NECTIN2: variants seen among roughly 807,000 people sequenced by gnomAD.
The protein encoded by NECTIN2 is nectin cell adhesion molecule 2, also known as nectin-2.
In NECTIN2, 23 loss-of-function variants were observed where a neutral mutation model predicts 56.9. The observed-to-expected ratio is 0.40, with a 90% CI of 0.29 to 0.57. The LOEUF (loss-of-function observed/expected upper bound fraction) is 0.57. Ranked by LOEUF, NECTIN2 falls within the 20% of genes least tolerant of loss-of-function variation. The pLI is 0.38. For missense variants in NECTIN2, 587 were observed against 718.3 expected, an observed-to-expected ratio of 0.82 and a Z score of 2.09; for synonymous variants, 302 against 313.8, an observed-to-expected ratio of 0.96 and a Z score of 0.40.
chr19:44,848,027 G>A (rs73048298), intron 1 of NECTIN2, among the ~76,000 whole-genome samples: 66 of 152,312 alleles, frequency 4.3e-4, no homozygotes, highest in Non-Finnish European at 4.0e-4. Flanking sequence ...ACTCTGGGAT[G>A]CTAGAGTTTC....
Position 44,888,103 on chromosome 19 carries a change from C to T in NECTIN2, c.1348-7C>T, listed in dbSNP as rs374324283. On this transcript the variant is annotated splice_polypyrimidine_tract_variant and splice_region_variant and intron_variant, in intron 8 of 8. Coordinates refer to ENST00000252483, the MANE Select transcript of NECTIN2 (RefSeq NM_001042724.2). The stretch of plus-strand genomic sequence containing the variant: ...ATCTTGAGTTCCTGTCCTCTCTCTA[C>T]CTCCAGGAAATGCCTCGATACCATG... 1.7e-5 allele frequency: 28 copies of T among 1,609,566 alleles called. No individual in the cohort carries two copies. The highest frequency in any genetic ancestry group is 8.8e-5 in the South Asian group (8 of 90,970).
chr19:44,873,810 T>A (rs1969204333), intron 3 of NECTIN2, 106 bp from the exon 4 acceptor site: 1 of 820,804 alleles, frequency 1.2e-6, no homozygotes, highest in African/African-American at 1.7e-5. Context: ...CTGCTGTACC[T>A]CCTGCCAACC....
At chr19:44,847,791 A>G (rs1243135784) in intron 1 of NECTIN2, among the ~76,000 whole-genome samples, 1 of 152,070 alleles carries the variant, frequency 6.6e-6, no homozygotes, top group Non-Finnish European at 1.5e-5. Flanking sequence ...ATCCTCTGGT[A>G]GCGCCTTTGT....
Position 44,886,446 on chromosome 19 carries a change from C to T in NECTIN2, c.1347+227C>T, listed in dbSNP as rs556758905. 2.6e-5 allele frequency among the ~76,000 whole-genome samples: 4 copies of T among 152,298 alleles called. No homozygotes were observed. In the East Asian group the frequency reaches 7.7e-4, roughly 29 times the overall value. ...AATTTAAAGTCACTTGGGGGCTGGG[C>T]ACGGTGGCTCACGCCTATAATCCCA... On this transcript the variant is annotated intron_variant, in intron 8 of 8. Transcript: ENST00000252483.
At chr19:44,862,414 C>CAA (rs869170027) in intron 1 of NECTIN2, among the ~76,000 whole-genome samples, 15 of 88,160 alleles carry the variant, frequency 1.7e-4, no homozygotes, top group Admixed American at 2.6e-4. Flanking sequence ...GACTCCGTCT[C>CAA]AAAAAAAAAA....
intron 5 of NECTIN2, chr19:44,878,306 G>T: frequency 6.8e-7 from 1 of 1,462,196 alleles, no homozygotes; most frequent in Non-Finnish European, 9.4e-7. Flanking sequence ...GCTGCTTCTG[G>T]CTGGGGGGTC....
intron 1 of NECTIN2, among the ~76,000 whole-genome samples, chr19:44,852,756 G>C (rs759472323): frequency 5.9e-5 from 9 of 152,116 alleles, no homozygotes; most frequent in African/African-American, 1.4e-4. Flanking sequence ...GAGGTGACAG[G>C]GTTTCCTGAT....
intron 8 of NECTIN2, 96 bp from the exon 9 acceptor site, chr19:44,888,014 G>A: frequency 2.2e-6 from 3 of 1,344,100 alleles, no homozygotes; most frequent in Non-Finnish European, 3.1e-6. Flanking sequence ...TTGGCATGGG[G>A]AGAGAGCGGT....
At chr19:44,881,420 T>G (rs1358915944) in intron 5 of NECTIN2, among the ~76,000 whole-genome samples, 3 of 150,912 alleles carry the variant, frequency 2.0e-5, no homozygotes, top group Non-Finnish European at 2.9e-5. Context: ...GAGCACGGCA[T>G]AATCCCAGAA....
In NECTIN2 at chr19:44,865,260, T is replaced by C; in HGVS notation, c.89-11T>C. On this transcript the variant is annotated splice_polypyrimidine_tract_variant and intron_variant, in intron 1 of 8. Coordinates refer to ENST00000252483, the MANE Select transcript of NECTIN2 (RefSeq NM_001042724.2). This position sits in a 1 kb window ranked among gnomAD's most constrained non-coding sequence, Gnocchi z 5.2. The stretch of plus-strand genomic sequence containing the variant: ...CACCCGACTACTTCACTCTCTGTCC[T>C]CTCTGCCCAGGAGCCCAGGATGTGC... The C allele has an allele frequency of 6.2e-7, 1 of 1,601,220 alleles. No individual in the cohort carries two copies. Among genetic ancestry groups the C allele is most frequent in the Non-Finnish European group, 8.5e-7 (1 of 1,172,080 alleles).
intron 6 of NECTIN2, among the ~76,000 whole-genome samples, chr19:44,885,705 G>A (rs1038517333): frequency 3.9e-5 from 6 of 152,180 alleles, no homozygotes; most frequent in Non-Finnish European, 8.8e-5. Flanking sequence ...GCCCTGAGGG[G>A]GAAGTACAGC....
intron 1 of NECTIN2, among the ~76,000 whole-genome samples, chr19:44,857,712 T>TTG (rs1303967667): frequency 1.4e-5 from 2 of 140,730 alleles, no homozygotes; most frequent in Non-Finnish European, 3.1e-5. Context: ...TTTGTTTTTG[T>TTG]TTTTTTTTTT....
rs1252541146 is a variant in NECTIN2 at position 44,865,252 on chromosome 19, C to T, written c.89-19C>T. 1 of 1,594,090 alleles carries T rather than the reference C, an allele frequency of 6.3e-7. No homozygotes were observed. Among genetic ancestry groups the T allele is most frequent in the African/African-American group, 1.3e-5 (1 of 74,694 alleles). On this transcript the variant is annotated intron_variant, in intron 1 of 8. Coordinates refer to ENST00000252483, the MANE Select transcript of NECTIN2 (RefSeq NM_001042724.2). The surrounding 1 kb of genome is among the most constrained non-coding windows in gnomAD (Gnocchi z 5.2). Reference sequence around the variant, plus strand: ...CCCTCCCCCACCCGACTACTTCACTCTCTGTCCTCTCTGCCCAGGAGCCCA... The same window carrying T: ...CCCTCCCCCACCCGACTACTTCACTTTCTGTCCTCTCTGCCCAGGAGCCCA...
At chr19:44,857,885 T>A (rs1968986059) in intron 1 of NECTIN2, among the ~76,000 whole-genome samples, 1 of 152,132 alleles carries the variant, frequency 6.6e-6, no homozygotes, top group Non-Finnish European at 1.5e-5. Flanking sequence ...AGAGAGTTCC[T>A]AAATTGTTAC....
chr19:44,856,487 A>T (rs1968967103), intron 1 of NECTIN2, among the ~76,000 whole-genome samples: 1 of 151,994 alleles, frequency 6.6e-6, no homozygotes, highest in South Asian at 2.1e-4. Flanking sequence ...AGAACCCGCA[A>T]CGGCTCCCAC....
At chr19:44,860,067 C>T (rs1393896821) in intron 1 of NECTIN2, among the ~76,000 whole-genome samples, 1 of 152,092 alleles carries the variant, frequency 6.6e-6, no homozygotes, top group African/African-American at 2.4e-5. Context: ...GATGGATGAA[C>T]CTGGAAAACA....
chr19:44,853,131 C>A (rs1968920611), intron 1 of NECTIN2, among the ~76,000 whole-genome samples: 1 of 151,942 alleles, frequency 6.6e-6, no homozygotes, highest in African/African-American at 2.4e-5. Context: ...GAATGTTAAC[C>A]CCACAGGGCC....
intron 6 of NECTIN2, among the ~76,000 whole-genome samples, chr19:44,882,632 GTTTGAGCCCAGGAA>G (rs1026802584): frequency 7.3e-6 from 1 of 137,494 alleles, no homozygotes; most frequent in African/African-American, 2.7e-5. Flanking sequence ...GAGATCGATC[GTTTGAGCCCAGGAA>G]TTTGAGCCCA....
rs891721892 is a variant in NECTIN2, at chr19:44,866,300, G to A, written c.478+640G>A. Among the ~76,000 whole-genome samples the A allele has an allele frequency of 2.3e-4, 35 of 152,202 alleles. 1 individual carries two copies. The East Asian group carries it at 6.0e-3, about 26-fold the overall frequency. On this transcript the variant is annotated intron_variant, in intron 2 of 8. Coordinates refer to ENST00000252483, the MANE Select transcript of NECTIN2 (RefSeq NM_001042724.2). ...CGCAGATGTGGTCCCAGCTACTTGGGAGGCTGAGGTGGGAGGATCGCTTGA... is the reference window on the plus strand; with the variant it reads ...CGCAGATGTGGTCCCAGCTACTTGGAAGGCTGAGGTGGGAGGATCGCTTGA...
Sources: gnomAD v4.1 joint callset for allele counts (sites outside exome capture counted in the v4.1 genomes callset) on GRCh38, gnomAD v4.1.1 for gene constraint, Gnocchi (gnomAD v3.1) non-coding constraint, MANE v1.5 for transcripts, NCBI Gene and HGNC (gene_info 2026-07-23, HGNC 2026-07-21) for gene names.